Variants in EXOC6B observed in about 807,000 individuals in gnomAD.
EXOC6B encodes the protein exocyst complex component 6B.
EXOC6B carries 54 observed loss-of-function variants against 113.5 expected under a neutral mutation model. The observed-to-expected ratio is 0.48, with a 90% CI of 0.38 to 0.60. EXOC6B has a LOEUF of 0.60. EXOC6B is among the 20% of genes least tolerant of loss of function. EXOC6B has a pLI of 0.00. For synonymous variants in EXOC6B, 357 were observed against 339.0 expected, an observed-to-expected ratio of 1.05 and a Z score of -0.58; for missense variants, 797 against 977.5, an observed-to-expected ratio of 0.82 and a Z score of 2.46.
intron 6 of EXOC6B, among the ~76,000 whole-genome samples, chr2:72,597,109 A>C (rs1037652690): frequency 6.6e-6 from 1 of 150,534 alleles, no homozygotes; most frequent in Non-Finnish European, 1.5e-5. Flanking sequence ...TTAGGAGTAA[A>C]TAGAGATAGA....
chr2:72,738,812 C>T (rs550711154), intron 2 of EXOC6B, among the ~76,000 whole-genome samples: 1 of 152,228 alleles, frequency 6.6e-6, no homozygotes, highest in East Asian at 1.9e-4. Context: ...CCCATCTCTA[C>T]TAAAAATACA....
intron 6 of EXOC6B, among the ~76,000 whole-genome samples, chr2:72,637,879 G>A (rs1672961732): frequency 1.3e-5 from 2 of 150,588 alleles, no homozygotes; most frequent in Non-Finnish European, 3.0e-5. Flanking sequence ...TAAGCAGAAA[G>A]TTTAGAGCAA....
At chr2:72,359,495 T>C (rs1690172919) in intron 19 of EXOC6B, among the ~76,000 whole-genome samples, 1 of 152,120 alleles carries the variant, frequency 6.6e-6, no homozygotes, top group Non-Finnish European at 1.5e-5. Flanking sequence ...CCTCCAGAAC[T>C]ATAGGAAATA....
At chr2:72,670,546 G>A (rs1240880102) in intron 6 of EXOC6B, among the ~76,000 whole-genome samples, 2 of 152,124 alleles carry the variant, frequency 1.3e-5, no homozygotes, top group African/African-American at 4.8e-5. Context: ...AGATAAGTTT[G>A]ATCATGCCCC....
At position 72,649,272 on chromosome 2, in the gene EXOC6B, A is replaced by G. The variant is rs1573554099; in HGVS notation, c.669+68831T>C. Among the ~76,000 whole-genome samples the G allele has an allele frequency of 2.0e-5, 3 of 152,196 alleles. No homozygotes were observed. The South Asian group carries it at 6.2e-4, about 32-fold the overall frequency. On this transcript the variant is annotated intron_variant, in intron 6 of 21. Coordinates refer to ENST00000272427, the MANE Select transcript of EXOC6B (RefSeq NM_015189.3). ...AAAAAACAGCTAGATAGAATGAATA[A>G]AATATAGTATTTATGATAGCACAAC...
intron 1 of EXOC6B, among the ~76,000 whole-genome samples, chr2:72,801,408 T>C (rs556695777): frequency 6.6e-6 from 1 of 152,248 alleles, no homozygotes; most frequent in South Asian, 2.1e-4. Flanking sequence ...AAAAAATACA[T>C]CACTGAAAAA....
chr2:72,392,932 C>T (rs765187124), intron 18 of EXOC6B, among the ~76,000 whole-genome samples: 19 of 152,058 alleles, frequency 1.2e-4, no homozygotes, highest in East Asian at 3.9e-4. Flanking sequence ...GTCTCTGCTA[C>T]GTAATTTCTA....
At chr2:72,496,983 T>G (rs1361240381) in intron 13 of EXOC6B, among the ~76,000 whole-genome samples, 2 of 141,038 alleles carry the variant, frequency 1.4e-5, no homozygotes, top group African/African-American at 5.7e-5. Context: ...ATTATTATTA[T>G]TATTATTAGA....
At chr2:72,699,527 G>A (rs1417158910) in intron 6 of EXOC6B, among the ~76,000 whole-genome samples, 1 of 151,800 alleles carries the variant, frequency 6.6e-6, no homozygotes, top group Non-Finnish European at 1.5e-5. Context: ...GCCCCATTAG[G>A]CCACAGACTT....
chr2:72,232,937 T>C (rs1358841280), intron 20 of EXOC6B, among the ~76,000 whole-genome samples: 2 of 151,758 alleles, frequency 1.3e-5, no homozygotes, highest in Non-Finnish European at 2.9e-5. Context: ...CTGGGTGTGG[T>C]TGCGGGTGCC....
intron 7 of EXOC6B, among the ~76,000 whole-genome samples, chr2:72,575,168 G>C (rs1314950734): frequency 1.3e-5 from 2 of 152,018 alleles, no homozygotes; most frequent in Non-Finnish European, 2.9e-5. Flanking sequence ...TTCAGCCGAG[G>C]TCACCTAGAC....
intron 18 of EXOC6B, among the ~76,000 whole-genome samples, chr2:72,408,027 G>C (rs920525592): frequency 6.1e-4 from 93 of 151,266 alleles, no homozygotes; most frequent in African/African-American, 2.0e-3. Context: ...TCTCAGGATA[G>C]AAAATCAATG....
intron 18 of EXOC6B, among the ~76,000 whole-genome samples, chr2:72,453,212 A>G (rs1433152232): frequency 6.6e-6 from 1 of 152,194 alleles, no homozygotes; most frequent in East Asian, 1.9e-4. Flanking sequence ...AGATTAAGTA[A>G]AAAGTAAAAA....
At chr2:72,248,958 GAATTCATCTGAAGAGGC>G (rs1215769080) in intron 20 of EXOC6B, among the ~76,000 whole-genome samples, 1 of 152,180 alleles carries the variant, frequency 6.6e-6, no homozygotes, top group East Asian at 1.9e-4. Context: ...AGTTTCAACA[GAATTCATCTGAAGAGGC>G]AAACAAGGCT....
At chr2:72,773,893 T>C (rs946420312) in intron 1 of EXOC6B, among the ~76,000 whole-genome samples, 1 of 152,208 alleles carries the variant, frequency 6.6e-6, no homozygotes, top group African/African-American at 2.4e-5. Flanking sequence ...ACTTTTCAGA[T>C]AATTTTATAT....
intron 6 of EXOC6B, among the ~76,000 whole-genome samples, chr2:72,613,449 T>C (rs1236161872): frequency 3.3e-5 from 5 of 151,734 alleles, no homozygotes; most frequent in Admixed American, 6.6e-5. Context: ...ATGGAGACTG[T>C]GAAAATGCAA....
intron 20 of EXOC6B, among the ~76,000 whole-genome samples, chr2:72,207,882 G>A (rs1679931228): frequency 6.6e-6 from 1 of 152,000 alleles, no homozygotes; most frequent in Non-Finnish European, 1.5e-5. Flanking sequence ...AAAATCCCTG[G>A]AACACCTTAG....
At chr2:72,627,407 G>T (rs1466205872) in intron 6 of EXOC6B, among the ~76,000 whole-genome samples, 1 of 152,096 alleles carries the variant, frequency 6.6e-6, no homozygotes, top group Non-Finnish European at 1.5e-5. Context: ...CGATAATACA[G>T]CAGAATCTTT....
intron 20 of EXOC6B, among the ~76,000 whole-genome samples, chr2:72,293,075 T>C (rs554144961): frequency 6.6e-6 from 1 of 152,310 alleles, no homozygotes; most frequent in South Asian, 2.1e-4. Flanking sequence ...ATTTGCATGG[T>C]TTGTAAACAT....
Sources: gnomAD v4.1 joint callset for allele counts (sites outside exome capture counted in the v4.1 genomes callset) on GRCh38, gnomAD v4.1.1 for gene constraint, MANE v1.5 for transcripts, NCBI Gene and HGNC (gene_info 2026-07-23, HGNC 2026-07-21) for gene names.